Variants in SLC39A5 observed in about 807,000 individuals in gnomAD.
The protein encoded by SLC39A5 is solute carrier family 39 member 5, also known as zinc transporter ZIP5.
A neutral mutation model predicts 46.9 loss-of-function variants in SLC39A5; 42 were observed. The observed-to-expected ratio is 0.90, with a 90% CI of 0.70 to 1.16. The LOEUF (loss-of-function observed/expected upper bound fraction) is 1.16. Ranked by LOEUF, SLC39A5 falls within the 50% of genes most tolerant of loss-of-function variation. SLC39A5 has a pLI of 0.00. For missense variants in SLC39A5, 677 were observed against 686.8 expected, an observed-to-expected ratio of 0.99 and a Z score of 0.16; for synonymous variants, 311 against 323.1, an observed-to-expected ratio of 0.96 and a Z score of 0.40.
chr12:56,234,928 C>T lies in SLC39A5; in HGVS notation c.576C>T (p.Ile192=), dbSNP rs138249172. 4.7e-5 allele frequency: 76 copies of T among 1,613,646 alleles called. 1 individual carries two copies. The African/African-American group carries it at 8.5e-4, about 18-fold the overall frequency. The change falls in exon 6 of 13, where the codon ATC becomes ATT. Residue 192 remains isoleucine (I), a synonymous_variant. Coordinates refer to ENST00000454355, the MANE Select transcript of SLC39A5 (RefSeq NM_173596.3). ...TGTGCCCAGCCCTGCTTTATCAGAT[C>T]GACAGCCGCGTCTGCATCGGCGCTC... ...ALLCPALLYQ[I]DSRVCIGAPA... is the part of the protein sequence containing the mutation.
intron 4 of SLC39A5, among the ~76,000 whole-genome samples, 196 bp downstream of exon 4, chr12:56,231,757 G>A (rs186787897): frequency 1.4e-4 from 22 of 152,104 alleles, no homozygotes; most frequent in Admixed American, 8.5e-4. Context: ...TGGGGGTCTC[G>A]CTTTGTCACC....
chr12:56,234,843 T>C lies in SLC39A5; in HGVS notation c.491T>C (p.Leu164Pro), dbSNP rs1463816778. ...LNEDCLNGSQ[L>P]LVNFGLSPAA... ...CTCCAGTGTCTGAACGGCTCCCAGC[T>C]GCTGGTCAATTTTGGCTTGAGCCCC... is the stretch of plus-strand genomic sequence containing the variant. Residue 164 changes from leucine (L) to proline (P), a missense_variant, in exon 6 of 13, where the codon CTG becomes CCG. Coordinates refer to ENST00000454355, the MANE Select transcript of SLC39A5 (RefSeq NM_173596.3). 1.2e-6 allele frequency: 2 copies of C among 1,613,642 alleles called. No homozygotes were observed. Among genetic ancestry groups the C allele is most frequent in the Non-Finnish European group, 1.7e-6 (2 of 1,180,040 alleles).
chr12:56,233,470 T>A (rs992266757), intron 5 of SLC39A5, among the ~76,000 whole-genome samples: 17 of 150,072 alleles, frequency 1.1e-4, no homozygotes, highest in African/African-American at 3.0e-4. Flanking sequence ...ATAAAAAAAA[T>A]AAAAAAATAA....
Position 56,231,326 on chromosome 12 carries a change from G to T in SLC39A5, c.52G>T (p.Val18Phe), listed in dbSNP as rs555836955. The change falls in exon 4 of 13, where the codon GTC becomes TTC. Residue 18 changes from valine (V) to phenylalanine (F), a missense_variant. By Grantham distance (50) the Val-to-Phe change is conservative (BLOSUM62 -1). Coordinates refer to ENST00000454355, the MANE Select transcript of SLC39A5 (RefSeq NM_173596.3). ...HLLAGFCVWV[V>F]LGWVGGSVPN... ...GCTGGCCGGCTTCTGTGTGTGGGTC[G>T]TCTTGGGCTGGGTAGGGGGCTCAGT... 1 of 1,613,202 alleles carries T rather than the reference G, an allele frequency of 6.2e-7. No homozygotes were observed. The highest frequency in any genetic ancestry group is 1.3e-5 in the African/African-American group (1 of 74,920).
At chr12:56,233,743 T>TGCC (rs1334139992) in intron 5 of SLC39A5, among the ~76,000 whole-genome samples, 1 of 152,200 alleles carries the variant, frequency 6.6e-6, no homozygotes, top group East Asian at 1.9e-4. Context: ...CAGACAAAGC[T>TGCC]GCCTAACCCT....
rs746925912 is a variant in SLC39A5, at chr12:56,235,699, CAGTG to C, written c.945+5_945+8del. ...CTTTTGCGGCACCGAGGGCTCAGGC[CAGTG>C]AGTGATACCCTTTTCTCCTCCTTCT... On this transcript the variant is annotated splice_donor_variant and splice_donor_region_variant and coding_sequence_variant and intron_variant, in exon 8 of 13. Transcript: ENST00000454355. LOFTEE classifies it high-confidence loss of function. 34 of 1,613,832 alleles carry C rather than the reference CAGTG, an allele frequency of 2.1e-5. No individual in the cohort carries two copies. The highest frequency in any genetic ancestry group is 1.0e-4 in the Admixed American group (6 of 59,986).
Position 56,235,607 on chromosome 12 carries a change from C to T in SLC39A5, c.852C>T (p.Asp284=), listed in dbSNP as rs1248559084. ...GACCTGGCGGACTACCAGAGAAGGA[C>T]CTGGGCCCGGGGCTGTCAGTGCTCG... The part of the protein sequence containing the change: ...HAGPGGLPEK[D]LGPGLSVLGG... The change falls in exon 8 of 13, where the codon GAC becomes GAT. Residue 284 remains aspartate (D), a synonymous_variant. Coordinates refer to ENST00000454355, the MANE Select transcript of SLC39A5 (RefSeq NM_173596.3). The T allele has an allele frequency of 1.9e-6, 3 of 1,614,036 alleles. No homozygotes were observed. In the African/African-American group the frequency reaches 4.0e-5, roughly 22 times the overall value.
At chr12:56,232,416 T>C (rs1870314820) in intron 4 of SLC39A5, among the ~76,000 whole-genome samples, 1 of 152,088 alleles carries the variant, frequency 6.6e-6, no homozygotes, top group South Asian at 2.1e-4. Flanking sequence ...TCCACCCACC[T>C]CAGCCTCCCA....
chr12:56,235,687 G>A lies in SLC39A5; in HGVS notation c.932G>A (p.Arg311Gln), dbSNP rs145666015. The A allele has an allele frequency of 2.4e-5, 38 of 1,613,984 alleles. No homozygotes were observed. Among genetic ancestry groups the A allele is most frequent in the African/African-American group, 2.1e-4 (16 of 75,036 alleles). ...AACATGCTGGGGCTTTTGCGGCACC[G>A]AGGGCTCAGGCCAGTGAGTGATACC... ...LENMLGLLRH[R>Q]GLRPRCCRRK... Residue 311 changes from arginine to glutamine, a missense_variant, in exon 8 of 13, where the codon CGA (arginine) becomes CAA (glutamine). Coordinates refer to ENST00000454355, the MANE Select transcript of SLC39A5 (RefSeq NM_173596.3).
Position 56,231,248 on chromosome 12 carries a change from T to C in SLC39A5, c.-27T>C, listed in dbSNP as rs762135979. On this transcript the variant is annotated 5_prime_UTR_variant, in exon 4 of 13. Transcript: ENST00000454355. Reference sequence around the variant, plus strand: ...TTCGGGGAGAATAGGAGCCAGAACCTGAGCCCCTAAGCTATTCCCCTCACC... The same window carrying C: ...TTCGGGGAGAATAGGAGCCAGAACCCGAGCCCCTAAGCTATTCCCCTCACC... The C allele has an allele frequency of 2.6e-6, 4 of 1,560,580 alleles. No homozygotes were observed. The highest frequency in any genetic ancestry group is 2.6e-6 in the Non-Finnish European group (3 of 1,153,342).
intron 5 of SLC39A5, among the ~76,000 whole-genome samples, chr12:56,233,077 C>A (rs1273303368): frequency 6.6e-6 from 1 of 151,836 alleles, no homozygotes; most frequent in Non-Finnish European, 1.5e-5. Context: ...GCCTGGCCAA[C>A]ATGGTGAAAC....
chr12:56,237,701 G>C lies in SLC39A5; in HGVS notation c.1593G>C (p.Glu531Asp). ...TGCTTGCCATAACCCTGCTGGAGGA[G>C]CGGCTACTGCCCGTGACCACTGAGG... ...GLMLAITLLEERLLPVTTEG is the reference protein window; with the variant it reads ...GLMLAITLLEDRLLPVTTEG Residue 531 changes from glutamate to aspartate, a missense_variant, in exon 13 of 13, where the codon GAG (glutamate) becomes GAC (aspartate). Transcript: ENST00000454355. The C allele has an allele frequency of 6.3e-7, 1 of 1,588,332 alleles. No homozygotes were observed. Among genetic ancestry groups the C allele is most frequent in the Non-Finnish European group, 8.6e-7 (1 of 1,168,110 alleles).
In SLC39A5 at chr12:56,237,770, C is replaced by T. The variant is rs774843204; in HGVS notation, c.*39C>T. 1.1e-5 allele frequency: 16 copies of T among 1,505,408 alleles called. No individual in the cohort carries two copies. In the East Asian group the frequency reaches 3.1e-4, roughly 29 times the overall value. The allele number at this position is 1,505,408 out of a possible 1,614,324, so 93.3% of individuals were successfully genotyped here. A position where few individuals can be genotyped will look rare whatever the true frequency, so the allele number is the denominator to read the frequency against. On this transcript the variant is annotated 3_prime_UTR_variant, in exon 13 of 13. Transcript: ENST00000454355. ...AAGGGGTCGGGTTGCCCTTCCTTCC[C>T]CCCAACCACAGGAATGGAGGCGGGA...
chr12:56,231,795 G>A (rs550464648), intron 4 of SLC39A5, among the ~76,000 whole-genome samples: 48 of 152,192 alleles, frequency 3.2e-4, no homozygotes, highest in African/African-American at 1.1e-3. Flanking sequence ...ACACATTCAC[G>A]GCTCACTGCA....
chr12:56,232,767 G>A lies in SLC39A5; in HGVS notation c.366G>A (p.Glu122=). ...LGPSGWGDLE[E]SKAPHLPRGP... The stretch of plus-strand genomic sequence containing the variant: ...CCTCAGGGTGGGGTGACCTGGAAGA[G>A]TCAAAGGCCCCTCACCTACCCCGTG... Residue 122 remains glutamate (E), a synonymous_variant, in exon 5 of 13, where the codon GAG becomes GAA. Coordinates refer to ENST00000454355, the MANE Select transcript of SLC39A5 (RefSeq NM_173596.3). The A allele has an allele frequency of 6.2e-7, 1 of 1,612,726 alleles. No individual in the cohort carries two copies. Among genetic ancestry groups the A allele is most frequent in the Non-Finnish European group, 8.5e-7 (1 of 1,179,558 alleles).
At position 56,233,099 on chromosome 12, in the gene SLC39A5, TA is replaced by T. The variant is rs1378814601; in HGVS notation, c.471+233del. On this transcript the variant is annotated intron_variant, in intron 5 of 12. Transcript: ENST00000454355. ...CAACATGGTGAAACCCCATCTCTAC[TA>T]AAAAATACAAAAATTAGCCGGGTGT... Among the ~76,000 whole-genome samples the T allele has an allele frequency of 5.3e-5, 8 of 151,442 alleles. No individual in the cohort carries two copies. In the East Asian group the frequency reaches 1.6e-3, roughly 29 times the overall value.
At chr12:56,235,064 T>C (rs1592377557) in intron 6 of SLC39A5, 78 bp downstream of exon 6, 3 of 1,590,754 alleles carry the variant, frequency 1.9e-6, no homozygotes, top group Non-Finnish European at 1.7e-6. Context: ...CTCACTGGGG[T>C]CCTGCCTCTC....
At chr12:56,237,550 G>A in intron 12 of SLC39A5, 38 bp from the exon 13 acceptor site, 1 of 1,612,960 alleles carries the variant, frequency 6.2e-7, no homozygotes, top group Non-Finnish European at 8.5e-7. Context: ...AGAGGTCAGG[G>A]GCAAGGCCAG....
intron 8 of SLC39A5, 142 bp from the exon 9 acceptor site, chr12:56,236,254 T>C: frequency 1.4e-6 from 1 of 722,116 alleles, no homozygotes; most frequent in South Asian, 1.7e-5. Flanking sequence ...AGGTGCCAAC[T>C]TGGGAAGAAG....
Sources: gnomAD v4.1 joint callset for allele counts (sites outside exome capture counted in the v4.1 genomes callset) on GRCh38, gnomAD v4.1.1 for gene constraint, MANE v1.5 for transcripts, NCBI Gene and HGNC (gene_info 2026-07-23, HGNC 2026-07-21) for gene names.